ANKRD11: variants seen among roughly 807,000 people sequenced by gnomAD.
The protein encoded by ANKRD11 is ankyrin repeat domain 11.
A neutral mutation model predicts 195.7 loss-of-function variants in ANKRD11; 17 were observed. The ratio of observed to expected loss-of-function variants is 0.09; its 90% confidence interval spans 0.06 to 0.13. The LOEUF (loss-of-function observed/expected upper bound fraction) is 0.13, where lower values mean the gene tolerates loss of function less well. Among genes scored for constraint, ANKRD11 ranks in the 10% least tolerant of loss-of-function variants. ANKRD11 has a pLI of 1.00. For synonymous variants in ANKRD11, 1,953 were observed against 1,528.1 expected, an observed-to-expected ratio of 1.28 and a Z score of -6.49; for missense variants, 3,735 against 3,566.1, an observed-to-expected ratio of 1.05 and a Z score of -1.21.
chr16:89,413,502 A>G (rs373234584), intron 2 of ANKRD11, among the ~76,000 whole-genome samples: 1 of 152,068 alleles, frequency 6.6e-6, no homozygotes, highest in Non-Finnish European at 1.5e-5. Context: ...GCGGGCACCT[A>G]TAGTCCCAGC....
rs141128407 is a variant in ANKRD11, at chr16:89,383,205, G to C, written c.-60+35079C>G. On this transcript the variant is annotated intron_variant, in intron 2 of 12. Transcript: ENST00000301030. ...AGCGGTGCGAGGTCACCTCAGGGAG[G>C]AAGAGGGAGGAGCCACAAGAGCAAA... 8.5e-3 allele frequency among the ~76,000 whole-genome samples: 1,302 copies of C among 152,310 alleles called. 40 individuals carry two copies. Among genetic ancestry groups the C allele is most frequent in the East Asian group, 0.034 (176 of 5,186 alleles).
intron 1 of ANKRD11, among the ~76,000 whole-genome samples, chr16:89,430,319 C>T (rs62068640): frequency 0.35 from 40,730 of 116,406 alleles, 4,012 homozygotes; most frequent in Middle Eastern, 0.49. Context: ...TCTCAACTCT[C>T]GCGCTCAGAC....
chr16:89,280,553 C>T lies in ANKRD11; in HGVS notation c.5989G>A (p.Ala1997Thr), dbSNP rs775491352. 1.2e-5 allele frequency: 20 copies of T among 1,612,748 alleles called. No homozygotes were observed. The African/African-American group carries it at 1.6e-4, about 13-fold the overall frequency. The change falls in exon 9 of 13, where the codon GCG (alanine) becomes ACG (threonine). Residue 1997 changes from alanine (A) to threonine (T), a missense_variant. Ala to Thr is a moderately conservative substitution (Grantham distance 58). Coordinates refer to ENST00000301030, the MANE Select transcript of ANKRD11 (RefSeq NM_013275.6). ...GGGGCGGCAGAGTGGAGGGGGTCCG[C>T]GGGGCAGAAACGCTTTGGGGACTCG... ...FPESPKRFCP[A>T]DPLHSAAPGP...
intron 7 of ANKRD11, 151 bp downstream of exon 7, chr16:89,288,377 A>G: frequency 8.0e-7 from 1 of 1,249,116 alleles, no homozygotes; most frequent in Non-Finnish European, 1.1e-6. Context: ...GGGCAGACAG[A>G]GGGCACAGCT....
chr16:89,386,287 A>T (rs927513725), intron 2 of ANKRD11, among the ~76,000 whole-genome samples: 39 of 151,466 alleles, frequency 2.6e-4, no homozygotes, highest in African/African-American at 8.9e-4. Flanking sequence ...TTTTTTTTTT[A>T]AAGCTTGATT....
chr16:89,275,626 C>T (rs1485875302), intron 9 of ANKRD11, among the ~76,000 whole-genome samples: 1 of 152,142 alleles, frequency 6.6e-6, no homozygotes, highest in Non-Finnish European at 1.5e-5. Flanking sequence ...CTGTAACGTG[C>T]ACAGTGGAAT....
rs778437406 is a variant in ANKRD11, at chr16:89,280,430, T to TGACGTCCTC, written c.6103_6111dup (p.Glu2035_Val2037dup). On this transcript the variant is annotated inframe_insertion, in exon 9 of 13. Transcript: ENST00000301030. ...GCGGGGACGGCGTCCACTCCGTCCT[T>TGACGTCCTC]GACGTCCTCCAGCCCCGGCTCAGCG... The TGACGTCCTC allele has an allele frequency of 3.8e-6, 6 of 1,579,448 alleles. No individual in the cohort carries two copies. The highest frequency in any genetic ancestry group is 1.7e-6 in the Non-Finnish European group (2 of 1,161,918).
At chr16:89,489,806 C>A (rs1180803050) in intron 1 of ANKRD11, among the ~76,000 whole-genome samples, 1 of 143,106 alleles carries the variant, frequency 7.0e-6, no homozygotes, top group African/African-American at 2.6e-5. Context: ...CCCCTGTCCG[C>A]CTCTCACGGC....
At chr16:89,310,856 T>C (rs1183624659) in intron 3 of ANKRD11, among the ~76,000 whole-genome samples, 2 of 152,252 alleles carry the variant, frequency 1.3e-5, no homozygotes, top group Non-Finnish European at 2.9e-5. Flanking sequence ...TCCATCAATG[T>C]CTGTGAATAA....
chr16:89,467,257 C>A (rs1424288465), intron 1 of ANKRD11, among the ~76,000 whole-genome samples: 2 of 89,096 alleles, frequency 2.2e-5, no homozygotes, highest in Admixed American at 2.8e-4. Flanking sequence ...CATGGCTAAA[C>A]CCCATCTCTA....
At chr16:89,445,985 A>C (rs1320509708) in intron 1 of ANKRD11, among the ~76,000 whole-genome samples, 12 of 148,820 alleles carry the variant, frequency 8.1e-5, no homozygotes, top group South Asian at 4.3e-4. Context: ...CAAAAACAAA[A>C]AAAAAAATTT....
rs3114908 is a variant in ANKRD11, at chr16:89,317,317, T to C, written c.-59-239A>G. On this transcript the variant is annotated intron_variant, in intron 2 of 12. Transcript: ENST00000301030. The stretch of plus-strand genomic sequence containing the variant: ...GAGAACAGAGAAGGGTCAAGCACTT[T>C]GTAGTGGCAGAAAGGGACGCATGGC... 0.68 allele frequency among the ~76,000 whole-genome samples: 102,968 copies of C among 152,036 alleles called. 34,869 individuals are homozygous for C. Among genetic ancestry groups the C allele is most frequent in the Middle Eastern group, 0.78 (230 of 294 alleles).
At position 89,282,491 on chromosome 16, in the gene ANKRD11, T is replaced by C; in HGVS notation, c.4051A>G (p.Arg1351Gly). ...PEKLKEKERH[R>G]HSSSSSKKSH... is the part of the protein sequence containing the mutation. ...TTCTTGGATGAAGATGAGGAGTGTC[T>C]GTGCCTCTCCTTCTCTTTCAGCTTC... Residue 1351 changes from arginine (R) to glycine (G), a missense_variant, in exon 9 of 13, where the codon AGA (arginine) becomes GGA (glycine). Arg to Gly is a moderately radical substitution (Grantham distance 125). Coordinates refer to ENST00000301030, the MANE Select transcript of ANKRD11 (RefSeq NM_013275.6). 6.2e-7 allele frequency: 1 copy of C among 1,614,088 alleles called. No homozygotes were observed. The highest frequency in any genetic ancestry group is 8.5e-7 in the Non-Finnish European group (1 of 1,180,008).
At chr16:89,356,085 A>G (rs2039460662) in intron 2 of ANKRD11, among the ~76,000 whole-genome samples, 1 of 152,256 alleles carries the variant, frequency 6.6e-6, no homozygotes, top group Non-Finnish European at 1.5e-5. Context: ...GTCTCAAAAC[A>G]AATACAAGAA....
At chr16:89,369,177 G>C (rs192215741) in intron 2 of ANKRD11, among the ~76,000 whole-genome samples, 59 of 152,236 alleles carry the variant, frequency 3.9e-4, no homozygotes, top group African/African-American at 1.3e-3. Flanking sequence ...AACCCAAGAA[G>C]TTTTCCCAAG....
chr16:89,466,532 A>G (rs1485112819), intron 1 of ANKRD11, among the ~76,000 whole-genome samples: 1 of 152,226 alleles, frequency 6.6e-6, no homozygotes, highest in Non-Finnish European at 1.5e-5. Flanking sequence ...GTCATCACCC[A>G]ACGGGGTAAA....
chr16:89,279,084 G>A lies in ANKRD11; in HGVS notation c.7458C>T (p.Leu2486=), dbSNP rs569755271. Residue 2486 remains leucine (L), a synonymous_variant, in exon 9 of 13, where the codon CTC becomes CTT. Coordinates refer to ENST00000301030, the MANE Select transcript of ANKRD11 (RefSeq NM_013275.6). The surrounding 1 kb of genome is among the most constrained non-coding windows in gnomAD (Gnocchi z 5.6). ...GCCCCGCACTCACCACGGGGATGTG[G>A]AGCTTGCTGAGCGGCTTGCCGTCCA... The part of the protein sequence containing the change: ...YLLDGKPLSK[L]HIPVIAPPPS... The A allele has an allele frequency of 6.2e-7, 1 of 1,614,012 alleles. No homozygotes were observed. Among genetic ancestry groups the A allele is most frequent in the South Asian group, 1.1e-5 (1 of 91,070 alleles).
chr16:89,287,068 C>G, intron 7 of ANKRD11: 1 of 1,289,788 alleles, frequency 7.8e-7, no homozygotes, highest in Non-Finnish European at 1.0e-6. Flanking sequence ...GGTCAGAGGT[C>G]AAGGTGCTGG....
intron 1 of ANKRD11, among the ~76,000 whole-genome samples, chr16:89,439,134 G>A (rs1173487922): frequency 6.6e-6 from 1 of 151,846 alleles, no homozygotes; most frequent in African/African-American, 2.4e-5. Flanking sequence ...GTGGCACGTT[G>A]TTCAAATCCA....
Sources: allele counts gnomAD v4.1 joint callset (sites outside exome capture counted in the v4.1 genomes callset), GRCh38; gene constraint gnomAD v4.1.1; non-coding constraint Gnocchi (gnomAD v3.1); transcripts MANE v1.5; gene names NCBI Gene and HGNC (gene_info 2026-07-23, HGNC 2026-07-21).